The following CACNB4 variants were observed in gnomAD, a reference collection of about 807,000 sequenced individuals.
The protein encoded by CACNB4 is calcium voltage-gated channel auxiliary subunit beta 4.
Under a neutral mutation model 71.2 loss-of-function variants are expected in CACNB4, and 32 were observed. The ratio of observed to expected loss-of-function variants is 0.45; its 90% CI spans 0.34 to 0.60. CACNB4 has a LOEUF of 0.60. Ranked by LOEUF, CACNB4 falls within the 20% of genes least tolerant of loss-of-function variation. The pLI is 0.01. For synonymous variants in CACNB4, 231 were observed against 236.9 expected (o/e 0.97, Z 0.23); for missense variants, 464 against 647.9 (o/e 0.72, Z 3.08).
rs1410510893 is a variant in CACNB4 at position 151,834,413 on chromosome 2, G to A, written c.*4706C>T. 6.6e-6 allele frequency: 1 copy of A among 151,930 alleles called. No individual in the cohort carries two copies. Among genetic ancestry groups the A allele is most frequent in the African/African-American group, 2.4e-5 (1 of 41,424 alleles). The allele number at this position is 151,930 out of a possible 1,614,324, so 9.4% of individuals were successfully genotyped here. A position where few individuals can be genotyped will look rare whatever the true frequency, so the allele number is the denominator to read the frequency against. On this transcript the variant is annotated 3_prime_UTR_variant, in exon 14 of 14. Coordinates refer to ENST00000539935, the MANE Select transcript of CACNB4 (RefSeq NM_000726.5). The stretch of plus-strand genomic sequence containing the variant: ...TTGTTTATGGCAAGTAGAAGTTACA[G>A]CCCTTAGGATTATCTGATGAGATAC...
chr2:151,957,002 C>T (rs1395610222), intron 2 of CACNB4, among the ~76,000 whole-genome samples: 1 of 151,958 alleles, frequency 6.6e-6, no homozygotes. Context: ...AAAAATTAGC[C>T]GTTAGCTGGG....
chr2:151,866,574 C>G (rs1429360354), intron 9 of CACNB4: 1 of 152,198 alleles, frequency 6.6e-6, no homozygotes, highest in Non-Finnish European at 1.5e-5. Flanking sequence ...TAACGATATT[C>G]CCCACGAAGA....
chr2:152,009,699 A>C (rs1325235208), intron 2 of CACNB4, among the ~76,000 whole-genome samples: 1 of 152,226 alleles, frequency 6.6e-6, no homozygotes, highest in Non-Finnish European at 1.5e-5. Flanking sequence ...AGTGCAATGC[A>C]CGGGTGCCTC....
At chr2:151,993,725 G>A (rs960378594) in intron 2 of CACNB4, among the ~76,000 whole-genome samples, 99 of 151,562 alleles carry the variant, frequency 6.5e-4, no homozygotes, top group African/African-American at 2.2e-3. Flanking sequence ...CCACCACGCC[G>A]GGCTAATTTT....
chr2:152,084,266 G>A (rs183118760), intron 2 of CACNB4, among the ~76,000 whole-genome samples: 85 of 152,254 alleles, frequency 5.6e-4, no homozygotes, highest in African/African-American at 2.0e-3. Context: ...AGGACCCAGG[G>A]GACACAGAGT....
At chr2:151,939,546 C>T (rs1199529491) in intron 2 of CACNB4, among the ~76,000 whole-genome samples, 2 of 152,168 alleles carry the variant, frequency 1.3e-5, no homozygotes, top group Non-Finnish European at 1.5e-5. Context: ...AAGGCATCAC[C>T]CGTGACCATT....
At chr2:151,860,168 G>A (rs113704817) in intron 10 of CACNB4, 257 of 162,522 alleles carry the variant, frequency 1.6e-3, no homozygotes, top group African/African-American at 5.8e-3. Context: ...ATGGCTTGAC[G>A]GAGCTACTCA....
intron 2 of CACNB4, among the ~76,000 whole-genome samples, chr2:151,948,301 G>A (rs904364774): frequency 3.3e-5 from 5 of 152,292 alleles, no homozygotes; most frequent in Middle Eastern, 3.4e-3. Context: ...GTAAGCAAAA[G>A]GCAGAAGACA....
intron 2 of CACNB4, among the ~76,000 whole-genome samples, chr2:151,905,961 T>C (rs957048092): frequency 3.3e-5 from 5 of 152,222 alleles, no homozygotes; most frequent in African/African-American, 9.6e-5. Flanking sequence ...GAGTGTTTAG[T>C]CAAAACTCTA....
chr2:151,841,268 G>T (rs547409416), intron 13 of CACNB4, among the ~76,000 whole-genome samples: 1 of 152,334 alleles, frequency 6.6e-6, no homozygotes, highest in South Asian at 2.1e-4. Flanking sequence ...TCCTTAAGAA[G>T]TGGCATTAAG....
chr2:151,876,683 T>A (rs1021914464), intron 4 of CACNB4, 127 bp from the exon 5 acceptor site: 10 of 468,808 alleles, frequency 2.1e-5, no homozygotes, highest in Non-Finnish European at 2.9e-5. Flanking sequence ...TTATATAAAC[T>A]ATATTTTATA....
At chr2:151,890,309 G>A (rs1404375061) in intron 2 of CACNB4, among the ~76,000 whole-genome samples, 4 of 152,256 alleles carry the variant, frequency 2.6e-5, no homozygotes, top group Non-Finnish European at 5.9e-5. Flanking sequence ...TCCTTTTTAG[G>A]TTTCAAAGAG....
intron 2 of CACNB4, among the ~76,000 whole-genome samples, chr2:151,986,520 TCCAC>T (rs1230007061): frequency 1.3e-5 from 2 of 152,156 alleles, no homozygotes; most frequent in Admixed American, 1.3e-4. Context: ...ATTATTCCAC[TCCAC>T]ATTATTAAGC....
chr2:151,843,045 G>T (rs915267923), intron 12 of CACNB4, among the ~76,000 whole-genome samples: 1 of 152,178 alleles, frequency 6.6e-6, no homozygotes, highest in Non-Finnish European at 1.5e-5. Flanking sequence ...AGAACAAGGG[G>T]TGTTTAGTTA....
At chr2:152,053,747 C>T (rs1685574726) in intron 2 of CACNB4, among the ~76,000 whole-genome samples, 1 of 152,020 alleles carries the variant, frequency 6.6e-6, no homozygotes, top group South Asian at 2.1e-4. Context: ...CTGTCTCCAA[C>T]TCCTGGGCTC....
intron 2 of CACNB4, among the ~76,000 whole-genome samples, chr2:151,985,726 G>A (rs6751321): frequency 0.93 from 141,155 of 151,476 alleles, 66,557 homozygotes; most frequent in East Asian, 1. Flanking sequence ...ATAATGCTAC[G>A]TATTTTCATA....
At chr2:152,024,335 T>A (rs1374312919) in intron 2 of CACNB4, among the ~76,000 whole-genome samples, 1 of 152,136 alleles carries the variant, frequency 6.6e-6, no homozygotes, top group Non-Finnish European at 1.5e-5. Flanking sequence ...AAGAACTAAT[T>A]GTTTACCAGT....
At chr2:151,840,568 A>G (rs1315934114) in intron 13 of CACNB4, among the ~76,000 whole-genome samples, 1 of 152,244 alleles carries the variant, frequency 6.6e-6, no homozygotes, top group Non-Finnish European at 1.5e-5. Flanking sequence ...GCCCATGGGA[A>G]GTGAAACAAG....
In CACNB4 at chr2:151,843,900, A is replaced by G. The variant is rs867079823; in HGVS notation, c.1117-1812T>C. Among the ~76,000 whole-genome samples the G allele has an allele frequency of 2.6e-5, 4 of 152,220 alleles. No homozygotes were observed. The South Asian group carries it at 8.3e-4, about 32-fold the overall frequency. Reference sequence around the variant, plus strand: ...CCAACATTTACTATTTAAATGTTTCATCACATCAATTTTTATGGAAAATTT... The same window carrying G: ...CCAACATTTACTATTTAAATGTTTCGTCACATCAATTTTTATGGAAAATTT... On this transcript the variant is annotated intron_variant, in intron 12 of 13. Transcript: ENST00000539935.
Sources: gnomAD v4.1 joint callset for allele counts (sites outside exome capture counted in the v4.1 genomes callset) on GRCh38, gnomAD v4.1.1 for gene constraint, MANE v1.5 for transcripts, NCBI Gene and HGNC (gene_info 2026-07-23, HGNC 2026-07-21) for gene names.